The following CPAMD8 variants were observed in gnomAD, a reference collection of about 807,000 sequenced individuals.
CPAMD8 encodes the protein C3 and PZP-like alpha-2-macroglobulin domain-containing protein 8.
In CPAMD8, 146 loss-of-function variants were observed where a neutral mutation model predicts 224.7. That is an observed-to-expected ratio of 0.65 (90% CI 0.57 to 0.75). The LOEUF is 0.75. Ranked by LOEUF, CPAMD8 falls within the 30% of genes least tolerant of loss-of-function variation. The pLI is 0.00. For synonymous variants in CPAMD8, 966 were observed against 1,044.6 expected (o/e 0.92, Z 1.45); for missense variants, 2,301 against 2,537.5 (o/e 0.91, Z 2.00).
intron 8 of CPAMD8, 78 bp from the exon 9 acceptor site, chr19:17,002,428 T>C (rs2056358056): frequency 2.2e-6 from 2 of 918,736 alleles, no homozygotes; most frequent in Non-Finnish European, 3.5e-6. Context: ...CGGTGCAAGG[T>C]GTCTGAGGAC....
Position 16,925,218 on chromosome 19 carries a change from C to T in CPAMD8, c.3525G>A (p.Glu1175=), listed in dbSNP as rs372471932. 86 of 1,614,024 alleles carry T rather than the reference C, an allele frequency of 5.3e-5. No homozygotes were observed. Among genetic ancestry groups the T allele is most frequent in the Non-Finnish European group, 6.7e-5 (79 of 1,179,996 alleles). Reference sequence around the variant, plus strand: ...TACCTTGTACTAGGTAGTCGGTGGTCTCTCTCTCCACCTCAGGGCTGAGCT... The same window carrying T: ...TACCTTGTACTAGGTAGTCGGTGGTTTCTCTCTCCACCTCAGGGCTGAGCT... The part of the protein sequence containing the change: ...TQQLSPEVER[E]TTDYLVQGYQ... Residue 1175 remains glutamate (E), a synonymous_variant, in exon 26 of 42, where the codon GAG becomes GAA. Transcript: ENST00000443236.
rs936824687 is a variant in CPAMD8, at chr19:16,902,592, C to T, written c.4685+57G>A. ...CTCCTCCTGGTCCCAGGAGGCCATC[C>T]TCTCCGCACATTGCACCCTCCTGGG... On this transcript the variant is annotated intron_variant, in intron 35 of 41. Transcript: ENST00000443236. 13 of 1,113,630 alleles carry T rather than the reference C, an allele frequency of 1.2e-5. No individual in the cohort carries two copies. The African/African-American group carries it at 1.9e-4, about 16-fold the overall frequency. The allele number at this position is 1,113,630 out of a possible 1,614,324, so 69.0% of individuals were successfully genotyped here.
intron 13 of CPAMD8, among the ~76,000 whole-genome samples, chr19:16,984,441 C>G (rs77811644): frequency 0.051 from 7,650 of 150,966 alleles, 366 homozygotes; most frequent in African/African-American, 0.13. Context: ...AACTATAAAA[C>G]TCTTAAAAGA....
At chr19:16,910,289 C>G (rs532643479) in intron 29 of CPAMD8, among the ~76,000 whole-genome samples, 6 of 152,004 alleles carry the variant, frequency 3.9e-5, no homozygotes, top group Admixed American at 3.9e-4. Flanking sequence ...TCTGCCTCAG[C>G]CTCCCGAGTA....
chr19:16,927,360 T>G (rs1365879879), intron 25 of CPAMD8, among the ~76,000 whole-genome samples: 1 of 152,130 alleles, frequency 6.6e-6, no homozygotes, highest in Non-Finnish European at 1.5e-5. Flanking sequence ...AAGACGTACC[T>G]GTCGCCTTCC....
chr19:16,940,113 T>C (rs1471994906), intron 22 of CPAMD8, among the ~76,000 whole-genome samples: 2 of 152,056 alleles, frequency 1.3e-5, no homozygotes, highest in African/African-American at 4.8e-5. Context: ...GGTTTCACTA[T>C]GTTGGCCAGG....
At chr19:16,986,296 G>C (rs1238427759) in intron 13 of CPAMD8, among the ~76,000 whole-genome samples, 2 of 152,182 alleles carry the variant, frequency 1.3e-5, no homozygotes, top group African/African-American at 4.8e-5. Context: ...CCTCATGGCA[G>C]TTTGGTGGGT....
intron 20 of CPAMD8, among the ~76,000 whole-genome samples, chr19:16,947,743 G>T (rs554671799): frequency 6.6e-6 from 1 of 152,292 alleles, no homozygotes; most frequent in South Asian, 2.1e-4. Flanking sequence ...TTGTGTGCAT[G>T]GATGCAAGCA....
At chr19:17,008,371 C>G in intron 7 of CPAMD8, 134 bp downstream of exon 7, 1 of 1,154,014 alleles carries the variant, frequency 8.7e-7, no homozygotes, top group Non-Finnish European at 1.2e-6. Flanking sequence ...ACCTGCCCTC[C>G]GCTCCTCCTT....
rs145715071 is a variant in CPAMD8, at chr19:16,928,786, G to A, written c.3144+156C>T. Among the ~76,000 whole-genome samples the A allele has an allele frequency of 1.8e-3, 259 of 141,986 alleles. 2 individuals are homozygous for A. The highest frequency in any genetic ancestry group is 7.0e-3 in the Middle Eastern group (2 of 286). 93.1% of individuals were successfully genotyped at this position (141,986 alleles called of 152,430 possible). On this transcript the variant is annotated intron_variant, in intron 24 of 41. Transcript: ENST00000443236. ...TGCTACATGTTTTTTTTTTTTTTTC[G>A]GTAAGCGACTCTAGACTAAGAACAA...
chr19:16,945,765 G>GTGCA lies in CPAMD8; in HGVS notation c.2663-90_2663-87dup, dbSNP rs905832364. 6 of 1,229,990 alleles carry GTGCA rather than the reference G, an allele frequency of 4.9e-6. No individual in the cohort carries two copies. In the Admixed American group the frequency reaches 5.2e-5, roughly 11 times the overall value. The allele number at this position is 1,229,990 out of a possible 1,614,324, so 76.2% of individuals were successfully genotyped here. On this transcript the variant is annotated intron_variant, in intron 21 of 41. Transcript: ENST00000443236. Reference sequence around the variant, plus strand: ...ATCCCTATCCTTATCCCAGATGTGTGTGCATGCATGCATGTGTGTGTGTGT... The same window carrying GTGCA: ...ATCCCTATCCTTATCCCAGATGTGTGTGCATGCATGCATGCATGTGTGTGTGTGT...
intron 25 of CPAMD8, among the ~76,000 whole-genome samples, chr19:16,926,186 T>A (rs1292277977): frequency 6.6e-6 from 1 of 152,144 alleles, no homozygotes; most frequent in Non-Finnish European, 1.5e-5. Context: ...TAAAAAAAAA[T>A]TATGGTTCTC....
chr19:16,997,449 A>AG, intron 10 of CPAMD8, 111 bp from the exon 11 acceptor site: 1 of 696,898 alleles, frequency 1.4e-6, no homozygotes, highest in Non-Finnish European at 2.6e-6. Context: ...TTGGAGGGCC[A>AG]GGGGTCACTT....
chr19:16,928,249 C>A lies in CPAMD8; in HGVS notation c.3145-15G>T, dbSNP rs184793790. 320 of 1,605,274 alleles carry A rather than the reference C, an allele frequency of 2.0e-4. No homozygotes were observed. In the African/African-American group the frequency reaches 3.7e-3, roughly 19 times the overall value. On this transcript the variant is annotated splice_polypyrimidine_tract_variant and intron_variant, in intron 24 of 41. Coordinates refer to ENST00000443236, the MANE Select transcript of CPAMD8 (RefSeq NM_015692.5). ...CCATGGCCAACCTGGAAAAAGAAAC[C>A]AAGGCTGCTGGACGCTGGCAGGAAG...
intron 13 of CPAMD8, among the ~76,000 whole-genome samples, chr19:16,985,671 AGGAT>A (rs1336784034): frequency 1.4e-5 from 2 of 139,390 alleles, no homozygotes; most frequent in African/African-American, 2.7e-5. Context: ...AGATAGATGG[AGGAT>A]GGATGGATGG....
chr19:17,009,557 G>A lies in CPAMD8; in HGVS notation c.487-237C>T, dbSNP rs139331009. On this transcript the variant is annotated intron_variant, in intron 5 of 41. Transcript: ENST00000443236. The stretch of plus-strand genomic sequence containing the variant: ...TGGGAGGCCAAGGCGGGTGGATCAC[G>A]AGGTCAGGAGATTGAGACCACCCTG... 2,545 of 452,836 alleles carry A rather than the reference G, an allele frequency of 5.6e-3. 55 individuals are homozygous for A. Among genetic ancestry groups the A allele is most frequent in the African/African-American group, 0.045 (2,292 of 50,612 alleles). 28.1% of individuals were successfully genotyped at this position (452,836 alleles called of 1,614,324 possible). A position where few individuals can be genotyped will look rare whatever the true frequency, so the allele number is the denominator to read the frequency against.
chr19:16,960,674 G>A (rs1298560379), intron 18 of CPAMD8, among the ~76,000 whole-genome samples: 2 of 151,908 alleles, frequency 1.3e-5, no homozygotes, highest in African/African-American at 4.8e-5. Context: ...GACTGAGGTG[G>A]GTGGATCACT....
At chr19:16,935,189 C>T (rs2053649938) in intron 23 of CPAMD8, among the ~76,000 whole-genome samples, 1 of 152,144 alleles carries the variant, frequency 6.6e-6, no homozygotes, top group Admixed American at 6.5e-5. Flanking sequence ...CCCCCTCTCC[C>T]CATGGTAACA....
At position 16,928,281 on chromosome 19, in the gene CPAMD8, G is replaced by T. The variant is rs759347089; in HGVS notation, c.3145-47C>A. On this transcript the variant is annotated intron_variant, in intron 24 of 41. Coordinates refer to ENST00000443236, the MANE Select transcript of CPAMD8 (RefSeq NM_015692.5). ...GCTGGACGCTGGCAGGAAGCAGGCA[G>T]TAGGCACTCAGGTGGCAGTGACACC... 10 of 1,518,658 alleles carry T rather than the reference G, an allele frequency of 6.6e-6. No homozygotes were observed. The South Asian group carries it at 1.1e-4, about 17-fold the overall frequency. The allele number at this position is 1,518,658 out of a possible 1,614,324, so 94.1% of individuals were successfully genotyped here.
Sources: gnomAD v4.1 joint callset for allele counts (sites outside exome capture counted in the v4.1 genomes callset) on GRCh38, gnomAD v4.1.1 for gene constraint, MANE v1.5 for transcripts, NCBI Gene and HGNC (gene_info 2026-07-23, HGNC 2026-07-21) for gene names.